The following SOX5 variants were observed in gnomAD, a reference collection of about 807,000 sequenced individuals.
SOX5 encodes the protein transcription factor SOX-5.
A neutral mutation model predicts 92.0 loss-of-function variants in SOX5; 9 were observed. The observed-to-expected ratio is 0.10, with a 90% CI of 0.06 to 0.17. The LOEUF (loss-of-function observed/expected upper bound fraction) is 0.17. Among genes scored for constraint, SOX5 ranks in the 10% least tolerant of loss-of-function variants. The pLI is 1.00. For missense variants in SOX5, 642 were observed against 944.5 expected (o/e 0.68, Z 4.20); for synonymous variants, 344 against 336.3 (o/e 1.02, Z -0.25).
At chr12:24,511,543 A>T (rs1329728709) in intron 1 of SOX5, among the ~76,000 whole-genome samples, 1 of 152,224 alleles carries the variant, frequency 6.6e-6, no homozygotes, top group Non-Finnish European at 1.5e-5. Context: ...TTCAATAAAC[A>T]TTTACTAAGC....
At chr12:24,273,500 G>C (rs961365905) in intron 3 of SOX5, among the ~76,000 whole-genome samples, 3 of 152,022 alleles carry the variant, frequency 2.0e-5, no homozygotes, top group African/African-American at 7.2e-5. Flanking sequence ...TTTCTTACCA[G>C]CTGTTTGATA....
chr12:23,797,604 G>A (rs865978927), intron 3 of SOX5, among the ~76,000 whole-genome samples: 8 of 152,140 alleles, frequency 5.3e-5, no homozygotes, highest in Middle Eastern at 6.8e-3. Context: ...CAAATGCCAC[G>A]TACCTATATG....
chr12:23,776,767 G>T (rs769096863), intron 3 of SOX5, among the ~76,000 whole-genome samples: 44 of 152,094 alleles, frequency 2.9e-4, no homozygotes, highest in Admixed American at 5.9e-4. Context: ...GTGCCTATAA[G>T]AATCTAATGC....
Position 24,431,264 on chromosome 12 carries a change from C to T in SOX5, c.-250-62625G>A, listed in dbSNP as rs142313543. On this transcript the variant is annotated intron_variant, in intron 1 of 4. Coordinates refer to the SOX5 transcript ENST00000446891. Reference sequence around the variant, plus strand: ...CCCTTCTGACTATGATGCATGGATGCTTTCCATCCTAGCAACAAGTGTATT... The same window carrying T: ...CCCTTCTGACTATGATGCATGGATGTTTTCCATCCTAGCAACAAGTGTATT... Among the ~76,000 whole-genome samples, 61 of 152,228 alleles carry T rather than the reference C, an allele frequency of 4.0e-4. 1 individual carries two copies. In the East Asian group the frequency reaches 0.011, roughly 27 times the overall value.
At chr12:23,588,819 TG>T (rs1296478861) in intron 9 of SOX5, among the ~76,000 whole-genome samples, 1 of 151,952 alleles carries the variant, frequency 6.6e-6, no homozygotes, top group East Asian at 1.9e-4. Context: ...AACCATGGAC[TG>T]CCTATATGAC....
chr12:23,719,483 C>T (rs138965214), intron 6 of SOX5, among the ~76,000 whole-genome samples: 55 of 152,170 alleles, frequency 3.6e-4, no homozygotes, highest in African/African-American at 1.3e-3. Context: ...TGGTGACTCA[C>T]ACCTGTAATC....
intron 6 of SOX5, among the ~76,000 whole-genome samples, chr12:23,729,533 A>C (rs1039917217): frequency 6.6e-6 from 1 of 152,184 alleles, no homozygotes; most frequent in South Asian, 2.1e-4. Context: ...GTCCTGACAG[A>C]ATCAGTGACC....
chr12:23,664,348 C>A (rs1403217036), intron 7 of SOX5, among the ~76,000 whole-genome samples: 1 of 149,904 alleles, frequency 6.7e-6, no homozygotes, highest in African/African-American at 2.5e-5. Context: ...AGCCAAAATG[C>A]ACTGGAATTT....
At chr12:23,810,730 TTCTATAATGTA>T (rs1264799105) in intron 3 of SOX5, among the ~76,000 whole-genome samples, 1 of 152,094 alleles carries the variant, frequency 6.6e-6, no homozygotes, top group Non-Finnish European at 1.5e-5. Flanking sequence ...AACATCTGGT[TTCTATAATGTA>T]TCTCCTTCCC....
At chr12:23,796,964 C>T (rs546103943) in intron 3 of SOX5, among the ~76,000 whole-genome samples, 1 of 148,606 alleles carries the variant, frequency 6.7e-6, no homozygotes, top group Non-Finnish European at 1.5e-5. Context: ...CGCTACTGCA[C>T]AGTAGGTATT....
At chr12:23,779,226 AT>A (rs1025965201) in intron 3 of SOX5, among the ~76,000 whole-genome samples, 1 of 151,994 alleles carries the variant, frequency 6.6e-6, no homozygotes, top group African/African-American at 2.4e-5. Flanking sequence ...AGAAATGTTT[AT>A]TTTTTTATGA....
intron 6 of SOX5, among the ~76,000 whole-genome samples, chr12:23,715,693 G>T (rs1451702734): frequency 2.0e-5 from 3 of 151,762 alleles, no homozygotes; most frequent in Non-Finnish European, 4.4e-5. Context: ...GCAATCAACG[G>T]CTCCCATATG....
intron 4 of SOX5, among the ~76,000 whole-genome samples, chr12:24,079,422 C>G (rs1306917755): frequency 6.6e-6 from 1 of 151,864 alleles, no homozygotes; most frequent in Admixed American, 6.6e-5. Flanking sequence ...AGTTATTTTC[C>G]AAGGACCTAC....
chr12:23,555,350 CTA>C lies in SOX5; in HGVS notation c.1488+7906_1488+7907del, dbSNP rs200096806. ...CTCTGAAAGCCCAATTTGGCATGCC[CTA>C]TGAGTCTCATTTTATTGGACCATCC... On this transcript the variant is annotated intron_variant, in intron 11 of 14. Coordinates refer to ENST00000451604, the MANE Select transcript of SOX5 (RefSeq NM_006940.6). Among the ~76,000 whole-genome samples the C allele has an allele frequency of 9.2e-5, 14 of 152,130 alleles. No individual in the cohort carries two copies. The East Asian group carries it at 2.5e-3, about 27-fold the overall frequency.
intron 8 of SOX5, among the ~76,000 whole-genome samples, chr12:23,631,529 C>A (rs572130151): frequency 3.9e-5 from 6 of 152,116 alleles, no homozygotes; most frequent in Admixed American, 6.6e-5. Flanking sequence ...GGTCTTGGGA[C>A]AGCAGTTCTT....
chr12:24,253,575 C>A (rs557322226), intron 3 of SOX5, among the ~76,000 whole-genome samples: 1 of 152,174 alleles, frequency 6.6e-6, no homozygotes, highest in Non-Finnish European at 1.5e-5. Context: ...GTGTGGGAAA[C>A]CCCCATATAA....
intron 1 of SOX5, among the ~76,000 whole-genome samples, chr12:23,930,901 T>C (rs1401568461): frequency 6.6e-6 from 1 of 151,680 alleles, no homozygotes; most frequent in Non-Finnish European, 1.5e-5. Flanking sequence ...AGACCCTCTC[T>C]AACACACAGA....
chr12:24,509,877 T>C (rs1178470716), intron 1 of SOX5, among the ~76,000 whole-genome samples: 1 of 152,216 alleles, frequency 6.6e-6, no homozygotes, highest in Non-Finnish European at 1.5e-5. Context: ...AGTTTAACAC[T>C]GGAACCAGAA....
In SOX5 at chr12:23,995,242, C is replaced by T. The variant is rs138755255; in HGVS notation, c.-1-99218G>A. ...GGAGGATGTGATATTTAAATATATA[C>T]GTCTGACATTTAGCAAGATAGATTA... On this transcript the variant is annotated intron_variant, in intron 4 of 4. Coordinates refer to the SOX5 transcript ENST00000446891. Among the ~76,000 whole-genome samples, 245 of 152,170 alleles carry T rather than the reference C, an allele frequency of 1.6e-3. 2 individuals carry two copies. Among genetic ancestry groups the T allele is most frequent in the African/African-American group, 5.6e-3 (231 of 41,516 alleles).
Sources: allele counts gnomAD v4.1 joint callset (sites outside exome capture counted in the v4.1 genomes callset), GRCh38; gene constraint gnomAD v4.1.1; transcripts MANE v1.5; gene names NCBI Gene and HGNC (gene_info 2026-07-23, HGNC 2026-07-21).